The following DHX29 variants were observed in gnomAD, a reference collection of about 807,000 sequenced individuals.
DHX29 encodes the protein DExH-box helicase 29.
In DHX29, 79 loss-of-function variants were observed where a neutral mutation model predicts 167.9. That is an observed-to-expected ratio of 0.47 (90% CI 0.39 to 0.57). DHX29 has a LOEUF of 0.57. Among genes scored for constraint, DHX29 ranks in the 20% least tolerant of loss-of-function variants. The probability of loss-of-function intolerance (pLI) is 0.00; values close to 1 mark genes in which losing one functional copy is unlikely to be tolerated. For missense variants in DHX29, 1,347 were observed against 1,593.4 expected (o/e 0.85, Z 2.63); for synonymous variants, 530 against 546.0 (o/e 0.97, Z 0.41).
At chr5:55,257,554 A>G (rs751313252) in intron 26 of DHX29, among the ~76,000 whole-genome samples, 1 of 152,220 alleles carries the variant, frequency 6.6e-6, no homozygotes, top group Non-Finnish European at 1.5e-5. Flanking sequence ...CCCTCTGAGT[A>G]GCTGGGATTA....
At chr5:55,275,094 A>G (rs756766504) in intron 14 of DHX29, 84 bp from the exon 15 acceptor site, 143 of 1,448,660 alleles carry the variant, frequency 9.9e-5, no homozygotes, top group Non-Finnish European at 1.2e-4. Context: ...CGGTATTTGC[A>G]TTCATTCAAA....
chr5:55,287,327 G>GCTA (rs1747786667), intron 8 of DHX29, among the ~76,000 whole-genome samples: 1 of 152,078 alleles, frequency 6.6e-6, no homozygotes, highest in South Asian at 2.1e-4. Context: ...TGTAATCCCG[G>GCTA]CTACTTGGGA....
rs200956085 is a variant in DHX29, at chr5:55,281,080, C to CACACAT, written c.2109+291_2109+292insATGTGT. 4.1e-3 allele frequency among the ~76,000 whole-genome samples: 614 copies of CACACAT among 149,682 alleles called. 5 individuals carry two copies. The highest frequency in any genetic ancestry group is 0.014 in the Middle Eastern group (4 of 294). On this transcript the variant is annotated intron_variant, in intron 12 of 26. Transcript: ENST00000251636. ...ATGTATATACACACACACACACACA[C>CACACAT]GCTATATATAACCCTTTGAATAGCA...
chr5:55,299,250 A>G (rs1748480751), intron 1 of DHX29, among the ~76,000 whole-genome samples: 1 of 152,190 alleles, frequency 6.6e-6, no homozygotes, highest in Non-Finnish European at 1.5e-5. Context: ...CTTTATCCTC[A>G]TATCTTTTAG....
In DHX29 at chr5:55,256,088, T is replaced by C. The variant is rs1179370580; in HGVS notation, c.*400A>G. Among the ~76,000 whole-genome samples, 3 of 152,216 alleles carry C rather than the reference T, an allele frequency of 2.0e-5. No individual in the cohort carries two copies. The highest frequency in any genetic ancestry group is 4.4e-5 in the Non-Finnish European group (3 of 68,046). On this transcript the variant is annotated 3_prime_UTR_variant, in exon 27 of 27. Coordinates refer to ENST00000251636, the MANE Select transcript of DHX29 (RefSeq NM_019030.4). The stretch of plus-strand genomic sequence containing the variant: ...CATGGAAATTTAATTATAATTGGTT[T>C]TGGAGATTATTTTCCCTTCTGGGTC...
intron 8 of DHX29, among the ~76,000 whole-genome samples, chr5:55,287,822 G>T (rs374972022): frequency 1.3e-5 from 2 of 151,518 alleles, no homozygotes; most frequent in Admixed American, 1.3e-4. Context: ...GGTGGCACAC[G>T]CCTGTAATCC....
rs781365145 is a variant in DHX29, at chr5:55,296,214, G to C, written c.505+6C>G. On this transcript the variant is annotated splice_donor_region_variant and intron_variant, in intron 4 of 26. Transcript: ENST00000251636. ...GAAACTGAAAGAATTTAATGATATT[G>C]TTTACCATCTGAAAGGTTTAAACAG... 6.2e-7 allele frequency: 1 copy of C among 1,601,448 alleles called. No homozygotes were observed. The highest frequency in any genetic ancestry group is 1.1e-5 in the South Asian group (1 of 87,694).
In DHX29 at chr5:55,277,238, C is replaced by T; in HGVS notation, c.2154G>A (p.Leu718=). 6.4e-7 allele frequency: 1 copy of T among 1,563,508 alleles called. No individual in the cohort carries two copies. ...SVQSDFLLII[L]KEILQKRSDL... ...CAGAACGTTTCTGTAAAATTTCCTT[C>T]AAGATAATTAGTAGGAAGTCTGACT... The change falls in exon 13 of 27, where the codon TTG becomes TTA. Residue 718 remains leucine (L), a synonymous_variant. Coordinates refer to ENST00000251636, the MANE Select transcript of DHX29 (RefSeq NM_019030.4).
Position 55,270,627 on chromosome 5 carries a change from C to T in DHX29, c.2944G>A (p.Ala982Thr), listed in dbSNP as rs1746808239. 1 of 1,614,082 alleles carries T rather than the reference C, an allele frequency of 6.2e-7. No homozygotes were observed. Among genetic ancestry groups the T allele is most frequent in the Admixed American group, 1.7e-5 (1 of 60,000 alleles). The change falls in exon 19 of 27, where the codon GCT becomes ACT. Residue 982 changes from alanine (A) to threonine (T), a missense_variant. Ala to Thr is a moderately conservative substitution (Grantham distance 58). Coordinates refer to ENST00000251636, the MANE Select transcript of DHX29 (RefSeq NM_019030.4). ...CAGAAGCCATCTCTGACCCGCCCAG[C>T]TCTTCCCTGGCGCTGCAAAGCACTG... Reference protein sequence around the residue: ...KASALQRQGRAGRVRDGFCFR... With the variant: ...KASALQRQGRTGRVRDGFCFR...
chr5:55,258,481 A>C (rs911124732), intron 26 of DHX29, among the ~76,000 whole-genome samples: 1 of 152,202 alleles, frequency 6.6e-6, no homozygotes, highest in Non-Finnish European at 1.5e-5. Context: ...AGAGATCAGT[A>C]TGTCTGGGGT....
intron 1 of DHX29, among the ~76,000 whole-genome samples, chr5:55,303,177 T>C (rs1338721108): frequency 6.6e-6 from 1 of 152,126 alleles, no homozygotes; most frequent in Admixed American, 6.5e-5. Context: ...TACATATTCT[T>C]TTTATACTGT....
chr5:55,293,138 A>G (rs1748135291), intron 6 of DHX29, among the ~76,000 whole-genome samples: 1 of 152,238 alleles, frequency 6.6e-6, no homozygotes, highest in Non-Finnish European at 1.5e-5. Context: ...AAATGAATTC[A>G]TCAGATTACA....
In DHX29 at chr5:55,291,275, A is replaced by G. The variant is rs561307641; in HGVS notation, c.781-931T>C. On this transcript the variant is annotated intron_variant, in intron 6 of 26. Coordinates refer to ENST00000251636, the MANE Select transcript of DHX29 (RefSeq NM_019030.4). ...AGTGACAGCAGATTAGAAGCATAAA[A>G]CTATGGACTGCAGAAGGAAACACAA... Among the ~76,000 whole-genome samples the G allele has an allele frequency of 2.6e-5, 4 of 152,308 alleles. No individual in the cohort carries two copies. In the East Asian group the frequency reaches 7.7e-4, roughly 29 times the overall value.
intron 1 of DHX29, among the ~76,000 whole-genome samples, chr5:55,305,015 TTAA>T (rs1419411505): frequency 6.6e-6 from 1 of 152,250 alleles, no homozygotes; most frequent in African/African-American, 2.4e-5. Context: ...TTTCTTGGTC[TTAA>T]TAATTCCTTT....
In DHX29 at chr5:55,289,286, A is replaced by T. The variant is rs748678240; in HGVS notation, c.1050T>A (p.Ala350=). The change falls in exon 8 of 27, where the codon GCT becomes GCA. Residue 350 remains alanine, a synonymous_variant. Transcript: ENST00000251636. ...NFNLFEKSAA[A]TEEEKDKKKE... ...TAATTTTACCTTTCTCTTCTTCAGT[A>T]GCAGCTGCAGATTTTTCAAATAAAT... 1 of 1,572,018 alleles carries T rather than the reference A, an allele frequency of 6.4e-7. No homozygotes were observed. Among genetic ancestry groups the T allele is most frequent in the Non-Finnish European group, 8.6e-7 (1 of 1,165,952 alleles).
At chr5:55,287,308 G>A (rs1405666403) in intron 8 of DHX29, among the ~76,000 whole-genome samples, 1 of 152,070 alleles carries the variant, frequency 6.6e-6, no homozygotes, top group African/African-American at 2.4e-5. Flanking sequence ...GGGCATGCAG[G>A]CATGCACCTG....
intron 4 of DHX29, 88 bp from the exon 5 acceptor site, chr5:55,295,612 C>G: frequency 7.2e-7 from 1 of 1,387,678 alleles, no homozygotes; most frequent in Non-Finnish European, 9.8e-7. Flanking sequence ...TAAACCTTGC[C>G]TAGACTTAGA....
Position 55,280,751 on chromosome 5 carries a change from C to A in DHX29, c.2109+621G>T, listed in dbSNP as rs112972316. Among the ~76,000 whole-genome samples the A allele has an allele frequency of 1.6e-3, 242 of 152,270 alleles. 2 individuals are homozygous for A. Among genetic ancestry groups the A allele is most frequent in the African/African-American group, 5.7e-3 (236 of 41,544 alleles). On this transcript the variant is annotated intron_variant, in intron 12 of 26. Transcript: ENST00000251636. ...TCATTAGGTCTGCTTGTTCTCTGAC[C>A]TGCTTCTTCATAGTAGTTCACTGCC...
At chr5:55,267,932 GT>G in intron 21 of DHX29, 110 bp from the exon 22 acceptor site, 1 of 630,584 alleles carries the variant, frequency 1.6e-6, no homozygotes, top group Non-Finnish European at 2.3e-6. Flanking sequence ...TAAGTTGCCT[GT>G]TTATTTTCAA....
Sources: allele counts gnomAD v4.1 joint callset (sites outside exome capture counted in the v4.1 genomes callset), GRCh38; gene constraint gnomAD v4.1.1; transcripts MANE v1.5; gene names NCBI Gene and HGNC (gene_info 2026-07-23, HGNC 2026-07-21).